Variants in DIABLO observed in about 807,000 individuals in gnomAD.
DIABLO encodes the protein diablo homolog, mitochondrial.
Under a neutral mutation model 31.7 loss-of-function variants are expected in DIABLO, and 32 were observed. The observed-to-expected ratio is 1.01, with a 90% CI of 0.76 to 1.35. The LOEUF is 1.35. DIABLO is among the 40% of genes most tolerant of loss of function. DIABLO has a pLI of 0.00. For synonymous variants in DIABLO, 132 were observed against 103.2 expected, an observed-to-expected ratio of 1.28 and a Z score of -1.69; for missense variants, 316 against 286.4, an observed-to-expected ratio of 1.10 and a Z score of -0.75.
At chr12:122,216,380 A>T in intron 5 of DIABLO, 108 bp downstream of exon 5, 2 of 924,476 alleles carry the variant, frequency 2.2e-6, no homozygotes, top group Non-Finnish European at 3.4e-6. Context: ...AGAGCCACTT[A>T]GACCATTTAC....
At position 122,216,775 on chromosome 12, in the gene DIABLO, A is replaced by G. The variant is rs980422753; in HGVS notation, c.410T>C (p.Ile137Thr). The G allele has an allele frequency of 5.6e-6, 9 of 1,614,092 alleles. No individual in the cohort carries two copies. The African/African-American group carries it at 8.0e-5, about 14-fold the overall frequency. Reference sequence around the variant, plus strand: ...TCTGCTTACCTCAGCTCTGGCTCCTATGATCACCTGCCACACTTCATCTTC... The same window carrying G: ...TCTGCTTACCTCAGCTCTGGCTCCTGTGATCACCTGCCACACTTCATCTTC... ...EEEDEVWQVI[I>T]GARAEMTSKH... The change falls in exon 4 of 6, where the codon ATA (isoleucine) becomes ACA (threonine). Residue 137 changes from isoleucine to threonine, a missense_variant. By Grantham distance (89) the Ile-to-Thr change is moderately conservative (BLOSUM62 -1). Transcript: ENST00000464942.
In DIABLO at chr12:122,224,592, A is replaced by T. The variant is rs1391705023; in HGVS notation, c.103T>A (p.Phe35Ile). 6.2e-7 allele frequency: 1 copy of T among 1,614,062 alleles called. No individual in the cohort carries two copies. Among genetic ancestry groups the T allele is most frequent in the South Asian group, 1.1e-5 (1 of 91,082 alleles). ...PVVANFKKRC[F>I]SELIRPWHKT... The stretch of plus-strand genomic sequence containing the variant: ...TGCCATGGTCTTATCAATTCTGAGA[A>T]ACACCGCTTCTTAAAGTTAGCCACA... The change falls in exon 2 of 6, where the codon TTC (phenylalanine) becomes ATC (isoleucine). Residue 35 changes from phenylalanine to isoleucine, a missense_variant. Coordinates refer to ENST00000464942, the MANE Select transcript of DIABLO (RefSeq NM_001371333.1).
chr12:122,212,921 G>A (rs577960517), intron 5 of DIABLO, among the ~76,000 whole-genome samples: 5 of 151,660 alleles, frequency 3.3e-5, no homozygotes, highest in African/African-American at 9.7e-5. Flanking sequence ...CACTGCGCCC[G>A]GCCATTTTTT....
In DIABLO at chr12:122,224,528, G is replaced by C. The variant is rs776980613; in HGVS notation, c.167C>G (p.Ala56Gly). The C allele has an allele frequency of 1.2e-5, 19 of 1,613,446 alleles. No individual in the cohort carries two copies. The highest frequency in any genetic ancestry group is 1.1e-5 in the Non-Finnish European group (13 of 1,179,964). The change falls in exon 2 of 6, where the codon GCG (alanine) becomes GGG (glycine). Residue 56 changes from alanine (A) to glycine (G), a missense_variant. By Grantham distance (60) the Ala-to-Gly change is moderately conservative. Coordinates refer to ENST00000464942, the MANE Select transcript of DIABLO (RefSeq NM_001371333.1). ...VTIGFGVTLC[A>G]VPIAQKSEPH... is the part of the protein sequence containing the mutation. ...CGACAGTACCTGTGCAATAGGAACCGCACACAGGGTTACTCCAAAGCCAAT... is the reference window on the plus strand; with the variant it reads ...CGACAGTACCTGTGCAATAGGAACCCCACACAGGGTTACTCCAAAGCCAAT...
chr12:122,226,106 G>A (rs774968049), upstream of DIABLO: 2 of 1,519,818 alleles, frequency 1.3e-6, no homozygotes, highest in Non-Finnish European at 1.8e-6. Context: ...AGAGCGCCTC[G>A]CCCCATAGCC....
intron 1 of DIABLO, chr12:122,225,648 T>C: frequency 7.5e-7 from 1 of 1,327,644 alleles, no homozygotes; most frequent in South Asian, 1.6e-5. Flanking sequence ...GTGTCCCTCC[T>C]CCTCTCCACG....
At chr12:122,213,372 A>G (rs1024940773) in intron 5 of DIABLO, among the ~76,000 whole-genome samples, 8 of 151,994 alleles carry the variant, frequency 5.3e-5, no homozygotes, top group Non-Finnish European at 2.9e-5. Context: ...TCTACCGGAA[A>G]CATATAATCC....
chr12:122,208,570 A>C lies in DIABLO; in HGVS notation c.531T>G (p.Asp177Glu). The part of the protein sequence containing the change: ...AAEAAYQTGA[D>E]QASITARNHI... ...GATTCCTGGCGGTTATAGAGGCCTG[A>C]TCTGCGCCTGCCAAAAGATGGGACA... Residue 177 changes from aspartate to glutamate, a missense_variant, in exon 6 of 6, where the codon GAT (aspartate) becomes GAG (glutamate). By Grantham distance (45) the Asp-to-Glu change is conservative. Transcript: ENST00000464942. The C allele has an allele frequency of 6.2e-7, 1 of 1,612,590 alleles. No individual in the cohort carries two copies. The highest frequency in any genetic ancestry group is 8.5e-7 in the Non-Finnish European group (1 of 1,180,022).
chr12:122,215,602 T>TA (rs199721939), intron 5 of DIABLO, among the ~76,000 whole-genome samples: 1 of 151,962 alleles, frequency 6.6e-6, no homozygotes, highest in Non-Finnish European at 1.5e-5. Context: ...AAAACTCCAT[T>TA]AAAAAAAATT....
chr12:122,209,232 G>A (rs1245874466), intron 5 of DIABLO, among the ~76,000 whole-genome samples: 2 of 151,914 alleles, frequency 1.3e-5, no homozygotes, highest in Non-Finnish European at 2.9e-5. Flanking sequence ...GCATGGTGGC[G>A]CATGCCTGTA....
intron 1 of DIABLO, chr12:122,225,011 G>A (rs1954421593): frequency 7.4e-6 from 3 of 407,370 alleles, no homozygotes; most frequent in Non-Finnish European, 1.3e-5. Context: ...TCAGGAATTC[G>A]AAATCTGCCT....
chr12:122,209,358 AAAAAAAAAG>A (rs1478051949), intron 5 of DIABLO, among the ~76,000 whole-genome samples: 17 of 146,298 alleles, frequency 1.2e-4, no homozygotes, highest in Admixed American at 1.1e-3. Context: ...CTCCGTCTCA[AAAAAAAAAG>A]AAAAAAAGAA....
At position 122,225,873 on chromosome 12, in the gene DIABLO, T is replaced by C. The variant is rs1005465952; in HGVS notation, c.50+92A>G. On this transcript the variant is annotated intron_variant, in intron 1 of 5. Transcript: ENST00000464942. ...GCTGGGCGGACGAGAGATGAGCGCG[T>C]AAGGAAGGCGGGCGCCGTGGGCCGG... 296 of 1,541,634 alleles carry C rather than the reference T, an allele frequency of 1.9e-4. 4 individuals carry two copies. The South Asian group carries it at 3.1e-3, about 16-fold the overall frequency.
At chr12:122,226,430 T>C (rs1186327518), upstream of DIABLO, 2 of 683,842 alleles carry the variant, frequency 2.9e-6, no homozygotes, top group Non-Finnish European at 5.2e-6. Flanking sequence ...GACGGCGCTG[T>C]CACTTCAGCA....
Position 122,213,449 on chromosome 12 carries a change from G to A in DIABLO, c.523+3039C>T, listed in dbSNP as rs538678577. Among the ~76,000 whole-genome samples the A allele has an allele frequency of 4.8e-5, 7 of 146,904 alleles. No homozygotes were observed. The South Asian group carries it at 6.5e-4, about 14-fold the overall frequency. Reference sequence around the variant, plus strand: ...AGAGGCTAAGGCTGTAGTAAGCAGTGAGCCATGATTGTGCCACTGTACTCC... The same window carrying A: ...AGAGGCTAAGGCTGTAGTAAGCAGTAAGCCATGATTGTGCCACTGTACTCC... On this transcript the variant is annotated intron_variant, in intron 5 of 5. Coordinates refer to ENST00000464942, the MANE Select transcript of DIABLO (RefSeq NM_001371333.1).
At chr12:122,209,570 C>G in intron 5 of DIABLO, 1 of 549,908 alleles carries the variant, frequency 1.8e-6, no homozygotes, top group Non-Finnish European at 3.3e-6. Context: ...GAGCCTGAAG[C>G]AGGAGAATTG....
chr12:122,207,988 A>AACAAGT lies in DIABLO; in HGVS notation c.*387_*392dup. On this transcript the variant is annotated 3_prime_UTR_variant, in exon 6 of 6. Coordinates refer to ENST00000464942, the MANE Select transcript of DIABLO (RefSeq NM_001371333.1). ...CCACAACTGGCATCCCAACAGAGGG[A>AACAAGT]ACAAGTACTAAATCATTTTTGACGA... 1 of 473,898 alleles carries AACAAGT rather than the reference A, an allele frequency of 2.1e-6. No homozygotes were observed. The highest frequency in any genetic ancestry group is 4.2e-6 in the Non-Finnish European group (1 of 240,636). The allele number at this position is 473,898 out of a possible 1,614,324, so 29.4% of individuals were successfully genotyped here. A position where few individuals can be genotyped will look rare whatever the true frequency, so the allele number is the denominator to read the frequency against.
intron 3 of DIABLO, 80 bp downstream of exon 3, chr12:122,218,185 TG>T: frequency 1.3e-6 from 2 of 1,504,208 alleles, no homozygotes; most frequent in Admixed American, 1.7e-5. Context: ...AATACCAACA[TG>T]GGTATCAGAC....
At chr12:122,211,191 G>C (rs1210958010) in intron 5 of DIABLO, among the ~76,000 whole-genome samples, 1 of 149,458 alleles carries the variant, frequency 6.7e-6, no homozygotes, top group Admixed American at 6.8e-5. Flanking sequence ...CCTTAGCTCA[G>C]GAGTTCGAGA....
Sources: gnomAD v4.1 joint callset for allele counts (sites outside exome capture counted in the v4.1 genomes callset) on GRCh38, gnomAD v4.1.1 for gene constraint, MANE v1.5 for transcripts, NCBI Gene and HGNC (gene_info 2026-07-23, HGNC 2026-07-21) for gene names.